DENND4C: variants seen among roughly 807,000 people sequenced by gnomAD.
DENND4C encodes the protein DENN domain containing 4C.
DENND4C carries 108 observed loss-of-function variants against 203.0 expected under a neutral mutation model. The ratio of observed to expected loss-of-function variants is 0.53; its 90% CI spans 0.46 to 0.62. The LOEUF is 0.62. Among genes scored for constraint, DENND4C ranks in the 20% least tolerant of loss-of-function variants. The pLI is 0.00. For missense variants in DENND4C, 2,481 were observed against 2,301.2 expected (o/e 1.08, Z -1.60); for synonymous variants, 871 against 792.4 (o/e 1.10, Z -1.67).
chr9:19,298,518 C>T (rs1308554352), intron 7 of DENND4C, among the ~76,000 whole-genome samples: 1 of 151,902 alleles, frequency 6.6e-6, no homozygotes, highest in African/African-American at 2.4e-5. Flanking sequence ...GCTAAAGGAC[C>T]AGTTTCTTTT....
chr9:19,321,851 GA>G (rs1250498951), intron 12 of DENND4C, among the ~76,000 whole-genome samples: 3 of 145,538 alleles, frequency 2.1e-5, no homozygotes, highest in Non-Finnish European at 3.0e-5. Flanking sequence ...AAAAAAAAAA[GA>G]GAAATAGCTA....
intron 30 of DENND4C, among the ~76,000 whole-genome samples, chr9:19,366,178 C>T (rs1287479763): frequency 6.6e-6 from 1 of 152,188 alleles, no homozygotes; most frequent in Non-Finnish European, 1.5e-5. Context: ...TACTGCAAAG[C>T]TACAGTAATC....
At chr9:19,335,136 G>A in intron 18 of DENND4C, 31 bp downstream of exon 18, 2 of 1,451,718 alleles carry the variant, frequency 1.4e-6, no homozygotes, top group East Asian at 2.5e-5. Flanking sequence ...GCAAGATGTG[G>A]TGTTTATTAA....
At chr9:19,276,833 G>C (rs537902017) in intron 2 of DENND4C, among the ~76,000 whole-genome samples, 144 of 152,232 alleles carry the variant, frequency 9.5e-4, no homozygotes, top group African/African-American at 3.3e-3. Context: ...ATTTTAAGGA[G>C]TTGCTTGGGT....
intron 4 of DENND4C, 121 bp downstream of exon 4, chr9:19,288,786 T>C (rs1050879186): frequency 2.1e-6 from 1 of 481,868 alleles, no homozygotes; most frequent in African/African-American, 2.0e-5. Context: ...TTCATAAAAT[T>C]ATCTATAATT....
At position 19,341,236 on chromosome 9, in the gene DENND4C, A is replaced by T. The variant is rs543109790; in HGVS notation, c.3004+122A>T. 2.9e-5 allele frequency: 22 copies of T among 756,056 alleles called. No homozygotes were observed. In the African/African-American group the frequency reaches 3.4e-4, roughly 12 times the overall value. The allele number at this position is 756,056 out of a possible 1,614,324, so 46.8% of individuals were successfully genotyped here. A position where few individuals can be genotyped will look rare whatever the true frequency, so the allele number is the denominator to read the frequency against. Reference sequence around the variant, plus strand: ...ACAAATGTAAGGTCTGGCTCCTAAGATGCTGTGTACTGTTACATAAGGTAG... The same window carrying T: ...ACAAATGTAAGGTCTGGCTCCTAAGTTGCTGTGTACTGTTACATAAGGTAG... On this transcript the variant is annotated intron_variant, in intron 21 of 32. Transcript: ENST00000434457.
At chr9:19,274,112 A>G (rs1372042545) in intron 1 of DENND4C, among the ~76,000 whole-genome samples, 2 of 152,076 alleles carry the variant, frequency 1.3e-5, no homozygotes, top group African/African-American at 2.4e-5. Flanking sequence ...AACAACATGG[A>G]TTTATCACAA....
At chr9:19,356,425 G>T (rs1374929764) in intron 26 of DENND4C, among the ~76,000 whole-genome samples, 2 of 152,062 alleles carry the variant, frequency 1.3e-5, no homozygotes, top group African/African-American at 4.8e-5. Flanking sequence ...TTCTCTAAAT[G>T]TTCCTTGCAA....
In DENND4C at chr9:19,288,935, G is replaced by A. The variant is rs146880383; in HGVS notation, c.628+270G>A. Among the ~76,000 whole-genome samples the A allele has an allele frequency of 1.0e-2, 1,521 of 152,224 alleles. 11 individuals carry two copies. Among genetic ancestry groups the A allele is most frequent in the South Asian group, 0.014 (66 of 4,818 alleles). On this transcript the variant is annotated intron_variant, in intron 4 of 32. Transcript: ENST00000434457. ...ATAAACATTCAAGCTTTTGGTCTAC[G>A]TTAATAGACTTAACAGTATAATGGA...
chr9:19,336,201 A>G, intron 18 of DENND4C, 69 bp from the exon 19 acceptor site: 1 of 1,424,076 alleles, frequency 7.0e-7, no homozygotes, highest in Non-Finnish European at 9.6e-7. Context: ...ACACACACAC[A>G]TATATGTATG....
chr9:19,288,781 A>C (rs1835704635), intron 4 of DENND4C, 116 bp downstream of exon 4: 1 of 490,062 alleles, frequency 2.0e-6, no homozygotes, highest in Admixed American at 4.4e-5. Flanking sequence ...ATCTATTCAT[A>C]AAATTATCTA....
At chr9:19,275,105 G>T (rs961873832) in intron 1 of DENND4C, among the ~76,000 whole-genome samples, 9 of 151,776 alleles carry the variant, frequency 5.9e-5, no homozygotes, top group African/African-American at 1.9e-4. Flanking sequence ...AGCCTCCCGA[G>T]TAGCTGGGAT....
chr9:19,321,940 G>A (rs1397664017), intron 12 of DENND4C, among the ~76,000 whole-genome samples: 4 of 152,098 alleles, frequency 2.6e-5, no homozygotes, highest in Non-Finnish European at 4.4e-5. Flanking sequence ...TCCTTAGATA[G>A]GAGGAGGGAC....
intron 4 of DENND4C, among the ~76,000 whole-genome samples, chr9:19,289,130 C>A (rs564637383): frequency 6.6e-6 from 1 of 152,276 alleles, no homozygotes; most frequent in Non-Finnish European, 1.5e-5. Context: ...AAAGAATCAG[C>A]TATATGGAGG....
rs766804046 is a variant in DENND4C, at chr9:19,372,179, G to T, written c.*6G>T. 2.5e-6 allele frequency: 4 copies of T among 1,604,634 alleles called. No individual in the cohort carries two copies. In the Admixed American group the frequency reaches 5.2e-5, roughly 21 times the overall value. ...TTGGAGCGCCTCTCATTTAAATAGA[G>T]ATTCACTAGAATGTTGACACACAAG... On this transcript the variant is annotated 3_prime_UTR_variant, in exon 33 of 33. Transcript: ENST00000434457.
chr9:19,293,488 T>C (rs896827909), intron 5 of DENND4C, among the ~76,000 whole-genome samples: 1 of 151,992 alleles, frequency 6.6e-6, no homozygotes, highest in African/African-American at 2.4e-5. Flanking sequence ...TAATTGTATC[T>C]GGGAATGTGT....
At chr9:19,332,565 G>T (rs1015200654) in intron 17 of DENND4C, among the ~76,000 whole-genome samples, 1 of 144,706 alleles carries the variant, frequency 6.9e-6, no homozygotes, top group Non-Finnish European at 1.5e-5. Context: ...GGGTCTCACC[G>T]TGTTGGCCAG....
intron 10 of DENND4C, among the ~76,000 whole-genome samples, chr9:19,308,454 G>T (rs1225931640): frequency 6.6e-6 from 1 of 152,018 alleles, no homozygotes; most frequent in Non-Finnish European, 1.5e-5. Flanking sequence ...TGTGCCCCTT[G>T]GTTTTCCTCT....
intron 25 of DENND4C, 78 bp from the exon 26 acceptor site, chr9:19,352,412 T>A: frequency 7.2e-7 from 1 of 1,381,268 alleles, no homozygotes; most frequent in South Asian, 1.5e-5. Context: ...ATAAAAAAAA[T>A]CCCATTATCT....
Sources: gnomAD v4.1 joint callset for allele counts (sites outside exome capture counted in the v4.1 genomes callset) on GRCh38, gnomAD v4.1.1 for gene constraint, MANE v1.5 for transcripts, NCBI Gene and HGNC (gene_info 2026-07-23, HGNC 2026-07-21) for gene names.